The following UBAP2L variants were observed in gnomAD, a reference collection of about 807,000 sequenced individuals.
The protein encoded by UBAP2L is ubiquitin associated protein 2 like, also known as ubiquitin-associated protein 2-like.
UBAP2L carries 12 observed loss-of-function variants against 130.6 expected under a neutral mutation model. The observed-to-expected ratio is 0.09, with a 90% CI of 0.06 to 0.15. The LOEUF (loss-of-function observed/expected upper bound fraction) is 0.15. Ranked by LOEUF, UBAP2L falls within the 10% of genes least tolerant of loss-of-function variation. UBAP2L has a pLI of 1.00. For missense variants in UBAP2L, 965 were observed against 1,332.5 expected, an observed-to-expected ratio of 0.72 and a Z score of 4.29; for synonymous variants, 503 against 524.7, an observed-to-expected ratio of 0.96 and a Z score of 0.57.
chr1:154,267,154 T>G (rs992884726), intron 25 of UBAP2L, among the ~76,000 whole-genome samples: 9 of 145,684 alleles, frequency 6.2e-5, no homozygotes, highest in Non-Finnish European at 1.2e-4. Context: ...CCAACGAGTT[T>G]TTTTTTTTTT....
chr1:154,220,311 C>T, upstream of UBAP2L: 1 of 1,613,346 alleles, frequency 6.2e-7, no homozygotes, highest in Non-Finnish European at 8.5e-7. Context: ...TAAGATGCGA[C>T]AGCAGGAATG....
At chr1:154,269,619 T>G in intron 26 of UBAP2L, 2 of 348,064 alleles carry the variant, frequency 5.7e-6, no homozygotes, top group Non-Finnish European at 1.1e-5. Context: ...TCCCCAGCTG[T>G]GGAAAACATT....
intron 24 of UBAP2L, among the ~76,000 whole-genome samples, chr1:154,265,673 C>A (rs984965221): frequency 6.6e-6 from 1 of 152,016 alleles, no homozygotes; most frequent in Non-Finnish European, 1.5e-5. Context: ...TTGTACTACT[C>A]TGGTTTCTTT....
intron 8 of UBAP2L, among the ~76,000 whole-genome samples, 173 bp from the exon 9 acceptor site, chr1:154,241,340 G>A (rs1158329734): frequency 2.6e-5 from 4 of 152,018 alleles, no homozygotes; most frequent in African/African-American, 9.7e-5. Context: ...CACCCACCTC[G>A]GCCTCTCAAA....
chr1:154,228,574 C>A, intron 3 of UBAP2L, 41 bp from the exon 4 acceptor site: 1 of 1,457,590 alleles, frequency 6.9e-7, no homozygotes, highest in Non-Finnish European at 9.6e-7. Flanking sequence ...GGAGTGTGAG[C>A]ATAAGCCTGT....
chr1:154,253,781 G>A, intron 14 of UBAP2L, 119 bp from the exon 15 acceptor site: 1 of 1,062,892 alleles, frequency 9.4e-7, no homozygotes. Context: ...ATTTGTTGCT[G>A]AAAAATTTCT....
At chr1:154,264,355 A>G (rs1053372192) in intron 24 of UBAP2L, among the ~76,000 whole-genome samples, 1 of 152,198 alleles carries the variant, frequency 6.6e-6, no homozygotes, top group South Asian at 2.1e-4. Context: ...TGATTCTGGT[A>G]TTGTCACTGT....
In UBAP2L at chr1:154,257,441, G is replaced by A; in HGVS notation, c.2442+7G>A. The A allele has an allele frequency of 6.2e-7, 1 of 1,612,260 alleles. No individual in the cohort carries two copies. The highest frequency in any genetic ancestry group is 8.5e-7 in the Non-Finnish European group (1 of 1,179,896). ...GCTGTTACATGCCTACCCGGTAAGTGGGACTAAAGGATCTTCTTCAAAAGG... is the reference window on the plus strand; with the variant it reads ...GCTGTTACATGCCTACCCGGTAAGTAGGACTAAAGGATCTTCTTCAAAAGG... On this transcript the variant is annotated splice_region_variant and intron_variant, in intron 20 of 26. Coordinates refer to ENST00000428931, the MANE Select transcript of UBAP2L (RefSeq NM_014847.4).
At chr1:154,245,462 CT>C (rs1675115230) in intron 10 of UBAP2L, among the ~76,000 whole-genome samples, 1 of 152,162 alleles carries the variant, frequency 6.6e-6, no homozygotes. Context: ...GAAAAAATAT[CT>C]CTCAGACTGC....
chr1:154,255,001 C>T (rs1679156035), intron 16 of UBAP2L, 111 bp downstream of exon 16: 1 of 1,436,428 alleles, frequency 7.0e-7, no homozygotes, highest in South Asian at 1.3e-5. Flanking sequence ...CTGTGTAATT[C>T]TCAGCATTAA....
At chr1:154,245,354 A>T (rs911339226) in intron 10 of UBAP2L, among the ~76,000 whole-genome samples, 2 of 152,204 alleles carry the variant, frequency 1.3e-5, no homozygotes, top group African/African-American at 4.8e-5. Context: ...ATCACTTAGG[A>T]AATTCTAAAT....
chr1:154,227,420 C>G lies in UBAP2L; in HGVS notation c.168+61C>G, dbSNP rs1396892706. ...AAAGATACCAGTATTAAGGCATAAT[C>G]AAATACTGTAGATGGATGCCAGGAT... On this transcript the variant is annotated intron_variant, in intron 3 of 26. Transcript: ENST00000428931. 3.9e-5 allele frequency: 55 copies of G among 1,414,624 alleles called. No individual in the cohort carries two copies. The South Asian group carries it at 6.0e-4, about 15-fold the overall frequency. 87.6% of individuals were successfully genotyped at this position (1,414,624 alleles called of 1,614,324 possible).
chr1:154,267,353 A>G (rs1324235075), intron 25 of UBAP2L, among the ~76,000 whole-genome samples: 1 of 151,608 alleles, frequency 6.6e-6, no homozygotes, highest in Non-Finnish European at 1.5e-5. Context: ...ACGGGGTTTC[A>G]CCATCTTGGC....
At chr1:154,220,365 GCACGA>G (rs1665481255), upstream of UBAP2L, 1 of 1,614,112 alleles carries the variant, frequency 6.2e-7, no homozygotes, top group African/African-American at 1.3e-5. Flanking sequence ...GCCATCACCA[GCACGA>G]CATTCACCCC....
In UBAP2L at chr1:154,251,197, C is replaced by G; in HGVS notation, c.1370C>G (p.Pro457Arg). Reference protein sequence around the residue: ...AAPPPPSSPLPSKSTSAPQMS... With the variant: ...AAPPPPSSPLRSKSTSAPQMS... ...CCTCCACCTCCGTCTTCTCCTCTGC[C>G]AAGCAAATCCACATCGGCTCCACAG... Residue 457 changes from proline to arginine, a missense_variant, in exon 13 of 27, where the codon CCA becomes CGA. This residue lies in a region of UBAP2L where 74 missense variants were observed against 97.1 expected (regional missense o/e 0.76). Coordinates refer to ENST00000428931, the MANE Select transcript of UBAP2L (RefSeq NM_014847.4). 6.2e-7 allele frequency: 1 copy of G among 1,614,182 alleles called. No homozygotes were observed. Among genetic ancestry groups the G allele is most frequent in the East Asian group, 2.2e-5 (1 of 44,866 alleles).
At chr1:154,225,015 G>A (rs1667477204) in intron 1 of UBAP2L, 69 bp from the exon 2 acceptor site, 2 of 919,220 alleles carry the variant, frequency 2.2e-6, no homozygotes, top group Non-Finnish European at 3.4e-6. Context: ...GGTGGTGAAG[G>A]TGCTGATGAG....
chr1:154,250,652 G>A lies in UBAP2L; in HGVS notation c.1214-389G>A, dbSNP rs1337965886. ...ACGGATCACTTGAGGTCAGGAGTTCGAGACCAGCCTGGCCAACATGACAAA... is the reference window on the plus strand; with the variant it reads ...ACGGATCACTTGAGGTCAGGAGTTCAAGACCAGCCTGGCCAACATGACAAA... On this transcript the variant is annotated intron_variant, in intron 12 of 26. Transcript: ENST00000428931. Among the ~76,000 whole-genome samples the A allele has an allele frequency of 7.2e-5, 11 of 152,074 alleles. No individual in the cohort carries two copies. In the South Asian group the frequency reaches 1.2e-3, roughly 17 times the overall value.
chr1:154,247,319 C>T (rs1057091017), intron 11 of UBAP2L, among the ~76,000 whole-genome samples: 2 of 152,058 alleles, frequency 1.3e-5, no homozygotes, highest in Admixed American at 1.3e-4. Flanking sequence ...TGTCCTGCCA[C>T]ATAGGAAAGG....
intron 1 of UBAP2L, among the ~76,000 whole-genome samples, chr1:154,224,451 G>A (rs532007098): frequency 6.6e-6 from 1 of 152,196 alleles, no homozygotes. Flanking sequence ...GGGCTAATAC[G>A]TACCCTGTTG....
Sources: allele counts gnomAD v4.1 joint callset (sites outside exome capture counted in the v4.1 genomes callset), GRCh38; gene constraint gnomAD v4.1.1; regional missense constraint gnomAD v4.1.1; transcripts MANE v1.5; gene names NCBI Gene and HGNC (gene_info 2026-07-23, HGNC 2026-07-21).